GLT8D2: variants seen among roughly 807,000 people sequenced by gnomAD.
The protein encoded by GLT8D2 is glycosyltransferase 8 domain containing 2, also known as glycosyltransferase 8 domain-containing protein 2.
GLT8D2 carries 45 observed loss-of-function variants against 44.5 expected under a neutral mutation model. That is an observed-to-expected ratio of 1.01 (90% confidence interval 0.80 to 1.30). The LOEUF (loss-of-function observed/expected upper bound fraction) is 1.30, where lower values mean the gene tolerates loss of function less well. Among genes scored for constraint, GLT8D2 ranks in the 50% most tolerant of loss-of-function variants. The probability of loss-of-function intolerance (pLI) is 0.00; values close to 1 mark genes in which losing one functional copy is unlikely to be tolerated. For synonymous variants in GLT8D2, 156 were observed against 157.2 expected, an observed-to-expected ratio of 0.99 and a Z score of 0.06; for missense variants, 400 against 430.4, an observed-to-expected ratio of 0.93 and a Z score of 0.62.
At chr12:104,043,831 T>C (rs754159572) in intron 1 of GLT8D2, among the ~76,000 whole-genome samples, 3 of 152,178 alleles carry the variant, frequency 2.0e-5, no homozygotes, top group Non-Finnish European at 4.4e-5. Flanking sequence ...CCCCTCTCTG[T>C]TCCTTATTCC....
intron 4 of GLT8D2, among the ~76,000 whole-genome samples, chr12:104,007,233 GCTCTCT>G (rs57109528): frequency 3.9e-4 from 26 of 66,358 alleles, no homozygotes; most frequent in African/African-American, 8.8e-4. Flanking sequence ...TATACTTAAA[GCTCTCT>G]CTCTCTCTCT....
chr12:104,027,996 C>T (rs913053931), intron 1 of GLT8D2, among the ~76,000 whole-genome samples: 1 of 152,204 alleles, frequency 6.6e-6, no homozygotes, highest in African/African-American at 2.4e-5. Context: ...GTTACTGTAA[C>T]TATGAGACCA....
intron 1 of GLT8D2, chr12:104,031,126 G>A: frequency 1.1e-6 from 1 of 925,288 alleles, no homozygotes; most frequent in Non-Finnish European, 1.6e-6. Flanking sequence ...AGATCTGGAG[G>A]CGCTCCTATG....
chr12:104,001,034 A>G (rs1404076258), intron 5 of GLT8D2, among the ~76,000 whole-genome samples: 1 of 152,212 alleles, frequency 6.6e-6, no homozygotes, highest in Admixed American at 6.5e-5. Flanking sequence ...CCCAAGAGAT[A>G]GTGTTAACAA....
rs140021598 is a variant in GLT8D2, at chr12:103,997,972, A to G, written c.403-437T>C. 1.1e-3 allele frequency among the ~76,000 whole-genome samples: 161 copies of G among 151,090 alleles called. 2 individuals are homozygous for G. In the East Asian group the frequency reaches 0.028, roughly 26 times the overall value. On this transcript the variant is annotated intron_variant, in intron 6 of 10. Transcript: ENST00000360814. ...ACACACACACGTGTGTCATTCCAAC[A>G]GCAAGCTCAACCTTTTAGCTCCTTG... is the stretch of plus-strand genomic sequence containing the variant.
chr12:104,059,181 C>T (rs1882421505), intron 1 of GLT8D2, among the ~76,000 whole-genome samples: 1 of 152,146 alleles, frequency 6.6e-6, no homozygotes, highest in African/African-American at 2.4e-5. Flanking sequence ...GTATAGAATA[C>T]ATAATATTTA....
At chr12:104,030,119 A>G (rs1879071579) in intron 1 of GLT8D2, among the ~76,000 whole-genome samples, 1 of 152,214 alleles carries the variant, frequency 6.6e-6, no homozygotes, top group Admixed American at 6.5e-5. Context: ...TCCAAAAAGT[A>G]TGGTACTGAC....
intron 1 of GLT8D2, among the ~76,000 whole-genome samples, chr12:104,045,922 A>AGAAAGAAAGAAAGAAAGAAG (rs1566213252): frequency 4.0e-5 from 6 of 149,252 alleles, no homozygotes; most frequent in African/African-American, 1.5e-4. Context: ...AAAGAAAGAA[A>AGAAAGAAAGAAAGAAAGAAG]GAAAGAAAGA....
chr12:104,040,386 T>A (rs925281983), intron 1 of GLT8D2, among the ~76,000 whole-genome samples: 5 of 152,250 alleles, frequency 3.3e-5, no homozygotes, highest in African/African-American at 1.2e-4. Flanking sequence ...TCAGATTAAC[T>A]ATACATCTCT....
chr12:103,996,804 G>A lies in GLT8D2; in HGVS notation c.531C>T (p.His177=), dbSNP rs531399775. 61 of 1,614,008 alleles carry A rather than the reference G, an allele frequency of 3.8e-5. 2 individuals carry two copies. Among genetic ancestry groups the A allele is most frequent in the Admixed American group, 2.2e-4 (13 of 59,992 alleles). Residue 177 remains histidine, a synonymous_variant, in exon 8 of 11, where the codon CAC becomes CAT. Coordinates refer to ENST00000360814, the MANE Select transcript of GLT8D2 (RefSeq NM_001384711.1). ...ELYDTTLALG[H]AAAFSDDCDL... is the part of the protein sequence containing the mutation. ...CGCAGTCATCTGAGAAAGCCGCCGCGTGGCCCAGGGCCAAGGTGGTGTCAT... is the reference window on the plus strand; with the variant it reads ...CGCAGTCATCTGAGAAAGCCGCCGCATGGCCCAGGGCCAAGGTGGTGTCAT...
chr12:104,009,288 T>A (rs974128325), intron 4 of GLT8D2, among the ~76,000 whole-genome samples: 6 of 152,226 alleles, frequency 3.9e-5, no homozygotes, highest in Non-Finnish European at 1.5e-5. Flanking sequence ...CAGCATGACC[T>A]GGATGCGAGA....
chr12:104,007,347 C>T (rs1392411264), intron 4 of GLT8D2, among the ~76,000 whole-genome samples: 1 of 148,812 alleles, frequency 6.7e-6, no homozygotes, highest in African/African-American at 2.5e-5. Flanking sequence ...CCCTGAGGTC[C>T]AGGGTAGTTC....
intron 6 of GLT8D2, among the ~76,000 whole-genome samples, chr12:103,998,838 C>T (rs1004861432): frequency 2.6e-5 from 4 of 152,168 alleles, no homozygotes; most frequent in Non-Finnish European, 5.9e-5. Flanking sequence ...CGAGCCAGCA[C>T]GTCCAGCCAA....
intron 1 of GLT8D2, among the ~76,000 whole-genome samples, chr12:104,021,848 GAA>G (rs1877688398): frequency 1.6e-5 from 1 of 62,620 alleles, no homozygotes; most frequent in Non-Finnish European, 3.8e-5. Flanking sequence ...GAAGGAAGGA[GAA>G]GGAGAAGGAG....
rs375709472 is a variant in GLT8D2, at chr12:103,999,455, G to C, written c.344C>G (p.Pro115Arg). Residue 115 changes from proline to arginine, a missense_variant, in exon 6 of 11, where the codon CCG (proline) becomes CGG (arginine). By Grantham distance (103) the Pro-to-Arg change is moderately radical. Transcript: ENST00000360814. Reference protein sequence around the residue: ...EINFKIVEFNPMVLKGKIRPD... With the variant: ...EINFKIVEFNRMVLKGKIRPD... ...TCTGATCTTCCCTTTGAGGACCATCGGGTTGAATTCCACGATTTTAAAGTT... is the reference window on the plus strand; with the variant it reads ...TCTGATCTTCCCTTTGAGGACCATCCGGTTGAATTCCACGATTTTAAAGTT... 1.2e-5 allele frequency: 20 copies of C among 1,613,416 alleles called. No individual in the cohort carries two copies. Among genetic ancestry groups the C allele is most frequent in the Non-Finnish European group, 1.7e-5 (20 of 1,179,570 alleles).
Position 104,014,336 on chromosome 12 carries a change from C to A in GLT8D2, c.112+677G>T, listed in dbSNP as rs137980356. 707 of 691,988 alleles carry A rather than the reference C, an allele frequency of 1.0e-3. 2 individuals are homozygous for A. In the African/African-American group the frequency reaches 0.011, roughly 11 times the overall value. 42.9% of individuals were successfully genotyped at this position (691,988 alleles called of 1,614,324 possible). On this transcript the variant is annotated intron_variant, in intron 4 of 10. Coordinates refer to ENST00000360814, the MANE Select transcript of GLT8D2 (RefSeq NM_001384711.1). ...TGCCACTGTATTTGAGCTGGGGCAA[C>A]AGAGTGAGATTCTGTCTCAAAAAAA... is the stretch of plus-strand genomic sequence containing the variant.
chr12:104,058,151 C>T (rs2048156204), intron 1 of GLT8D2, among the ~76,000 whole-genome samples: 1 of 152,232 alleles, frequency 6.6e-6, no homozygotes, highest in Admixed American at 6.5e-5. Context: ...CCTCTAGGGA[C>T]TGCTGATGCT....
chr12:104,047,285 G>C (rs1448242578), intron 1 of GLT8D2, among the ~76,000 whole-genome samples: 1 of 150,850 alleles, frequency 6.6e-6, no homozygotes, highest in African/African-American at 2.4e-5. Flanking sequence ...GGTGGAAGGG[G>C]TGAACCAGCT....
chr12:103,999,338 T>C, intron 6 of GLT8D2, 59 bp downstream of exon 6: 1 of 935,832 alleles, frequency 1.1e-6, no homozygotes, highest in Non-Finnish European at 1.7e-6. Flanking sequence ...CTAGCACTCC[T>C]TTACTGAACA....
Sources: allele counts gnomAD v4.1 joint callset (sites outside exome capture counted in the v4.1 genomes callset), GRCh38; gene constraint gnomAD v4.1.1; transcripts MANE v1.5; gene names NCBI Gene and HGNC (gene_info 2026-07-23, HGNC 2026-07-21).